The following STXBP5 variants were observed in gnomAD, a reference collection of about 807,000 sequenced individuals.
STXBP5 encodes the protein syntaxin-binding protein 5.
STXBP5 carries 50 observed loss-of-function variants against 152.4 expected under a neutral mutation model. The ratio of observed to expected loss-of-function variants is 0.33; its 90% confidence interval spans 0.26 to 0.42. STXBP5 has a LOEUF of 0.42. Among genes scored for constraint, STXBP5 ranks in the 10% least tolerant of loss-of-function variants. The probability of loss-of-function intolerance (pLI) is 1.00; values close to 1 mark genes in which losing one functional copy is unlikely to be tolerated. For missense variants in STXBP5, 1,167 were observed against 1,388.6 expected, an observed-to-expected ratio of 0.84 and a Z score of 2.54; for synonymous variants, 492 against 494.7, an observed-to-expected ratio of 0.99 and a Z score of 0.07.
intron 4 of STXBP5, among the ~76,000 whole-genome samples, chr6:147,258,847 C>T (rs566309176): frequency 1.3e-5 from 2 of 151,918 alleles, no homozygotes; most frequent in African/African-American, 4.8e-5. Flanking sequence ...CATTTAAACC[C>T]TCCATAAGGT....
intron 4 of STXBP5, among the ~76,000 whole-genome samples, chr6:147,257,693 T>C (rs1311218858): frequency 6.6e-6 from 1 of 152,166 alleles, no homozygotes; most frequent in Non-Finnish European, 1.5e-5. Flanking sequence ...TTTGTTGGGG[T>C]CTTGTTAACT....
intron 9 of STXBP5, among the ~76,000 whole-genome samples, chr6:147,303,264 G>A (rs192065555): frequency 2.6e-5 from 4 of 152,208 alleles, no homozygotes; most frequent in African/African-American, 9.6e-5. Flanking sequence ...ATTGAATCAT[G>A]AGGGTGGTTT....
intron 9 of STXBP5, among the ~76,000 whole-genome samples, chr6:147,295,364 T>G (rs1188616155): frequency 6.6e-6 from 1 of 152,202 alleles, no homozygotes; most frequent in Non-Finnish European, 1.5e-5. Context: ...GGGAAAAGCA[T>G]CTCTTTATTA....
At chr6:147,222,078 G>A (rs1777489230) in intron 2 of STXBP5, among the ~76,000 whole-genome samples, 1 of 152,084 alleles carries the variant, frequency 6.6e-6, no homozygotes, top group African/African-American at 2.4e-5. Context: ...TTCTGTTAAA[G>A]TGTTTTTGGA....
chr6:147,337,436 G>T (rs929491874), intron 19 of STXBP5, among the ~76,000 whole-genome samples: 2 of 151,904 alleles, frequency 1.3e-5, no homozygotes, highest in African/African-American at 4.8e-5. Context: ...TGGAGCTTTT[G>T]CATGAGCTGT....
rs186789570 is a variant in STXBP5 at position 147,234,562 on chromosome 6, A to G, written c.249-688A>G. On this transcript the variant is annotated intron_variant, in intron 2 of 27. Coordinates refer to ENST00000321680, the MANE Select transcript of STXBP5 (RefSeq NM_001127715.4). ...GGGAAAATAACATTCTTCGTGAGTT[A>G]TGAGGATTAAATGAGTTGATATAAA... Among the ~76,000 whole-genome samples the G allele has an allele frequency of 1.1e-4, 17 of 152,068 alleles. 1 individual carries two copies. The East Asian group carries it at 2.5e-3, about 22-fold the overall frequency.
intron 8 of STXBP5, among the ~76,000 whole-genome samples, chr6:147,284,086 G>A (rs1371898345): frequency 3.9e-5 from 6 of 152,120 alleles, no homozygotes; most frequent in African/African-American, 7.2e-5. Flanking sequence ...TGTAATCAAC[G>A]TATAAAATTG....
At chr6:147,341,276 T>C (rs1325213661) in intron 21 of STXBP5, among the ~76,000 whole-genome samples, 2 of 152,160 alleles carry the variant, frequency 1.3e-5, no homozygotes, top group African/African-American at 4.8e-5. Context: ...TTGAAAAACA[T>C]AAAATGTCAA....
intron 9 of STXBP5, among the ~76,000 whole-genome samples, chr6:147,304,935 C>T (rs1305445276): frequency 5.9e-5 from 9 of 152,132 alleles, no homozygotes; most frequent in Non-Finnish European, 7.4e-5. Flanking sequence ...GCTAGAGTTA[C>T]GTGGTTTCAG....
intron 18 of STXBP5, among the ~76,000 whole-genome samples, chr6:147,327,981 A>G (rs1783356232): frequency 6.6e-6 from 1 of 152,270 alleles, no homozygotes; most frequent in Admixed American, 6.5e-5. Context: ...ATGCAAAAGT[A>G]AATTTTATTT....
intron 2 of STXBP5, among the ~76,000 whole-genome samples, chr6:147,213,428 TTA>T (rs144122039): frequency 0.022 from 1,950 of 88,416 alleles, 38 homozygotes; most frequent in African/African-American, 0.047. Flanking sequence ...TCACATAATT[TTA>T]TATATGTGTG....
chr6:147,279,582 CA>C (rs1780605209), intron 8 of STXBP5, among the ~76,000 whole-genome samples: 1 of 152,200 alleles, frequency 6.6e-6, no homozygotes, highest in African/African-American at 2.4e-5. Flanking sequence ...CTTGAAACCA[CA>C]TATTGTGAAA....
chr6:147,300,283 C>A (rs1582910301), intron 9 of STXBP5, among the ~76,000 whole-genome samples: 1 of 151,816 alleles, frequency 6.6e-6, no homozygotes. Context: ...ACATTGTTGA[C>A]AAAAATAGGA....
intron 9 of STXBP5, among the ~76,000 whole-genome samples, chr6:147,297,700 T>G (rs1048591229): frequency 6.4e-4 from 98 of 152,056 alleles, no homozygotes; most frequent in African/African-American, 2.3e-3. Context: ...AATGTTACTT[T>G]GTTGAGAGAA....
At chr6:147,267,771 G>A (rs1056293126) in intron 7 of STXBP5, among the ~76,000 whole-genome samples, 3 of 151,480 alleles carry the variant, frequency 2.0e-5, no homozygotes, top group African/African-American at 7.3e-5. Context: ...TTTTCATTTT[G>A]GCAAGACTAC....
At chr6:147,210,344 A>G (rs1024021462) in intron 2 of STXBP5, among the ~76,000 whole-genome samples, 3 of 152,298 alleles carry the variant, frequency 2.0e-5, no homozygotes, top group East Asian at 3.9e-4. Context: ...AGAGTAGCCT[A>G]GACTTCTTAT....
intron 8 of STXBP5, among the ~76,000 whole-genome samples, chr6:147,289,105 A>G (rs936177008): frequency 3.3e-5 from 5 of 152,118 alleles, no homozygotes; most frequent in African/African-American, 1.2e-4. Flanking sequence ...TTCAGTTAAC[A>G]CTTTAGTGCA....
At chr6:147,326,617 T>C (rs1218569716) in intron 17 of STXBP5, among the ~76,000 whole-genome samples, 4 of 152,356 alleles carry the variant, frequency 2.6e-5, no homozygotes, top group African/African-American at 9.6e-5. Flanking sequence ...CCTTTATTCA[T>C]AGTTGATTGG....
At chr6:147,242,666 T>A (rs928131965) in intron 4 of STXBP5, among the ~76,000 whole-genome samples, 4 of 152,232 alleles carry the variant, frequency 2.6e-5, no homozygotes, top group African/African-American at 9.6e-5. Context: ...TAATACGCAG[T>A]AACATGCTTT....
Sources: gnomAD v4.1 joint callset for allele counts (sites outside exome capture counted in the v4.1 genomes callset) on GRCh38, gnomAD v4.1.1 for gene constraint, MANE v1.5 for transcripts, NCBI Gene and HGNC (gene_info 2026-07-23, HGNC 2026-07-21) for gene names.